IL1RAPL2: variants seen among roughly 807,000 people sequenced by gnomAD.
The protein encoded by IL1RAPL2 is X-linked interleukin-1 receptor accessory protein-like 2.
IL1RAPL2 carries 3 observed loss-of-function variants against 44.1 expected under a neutral mutation model. The observed-to-expected ratio is 0.07, with a 90% confidence interval of 0.03 to 0.18. IL1RAPL2 has a LOEUF of 0.18. IL1RAPL2 is among the 10% of genes least tolerant of loss of function. IL1RAPL2 has a pLI of 1.00. For synonymous variants in IL1RAPL2, 181 were observed against 178.8 expected (o/e 1.01, Z -0.10); for missense variants, 391 against 496.4 (o/e 0.79, Z 2.02).
chrX:105,748,261 G>A (rs191891860), intron 8 of IL1RAPL2, among the ~76,000 whole-genome samples: 12 of 112,279 alleles, frequency 1.1e-4, no homozygotes, highest in Non-Finnish European at 1.9e-4. Context: ...CCCTGGAGCA[G>A]CCTAAGTCTG....
Position 105,195,570 on chromosome X carries a change from A to C in IL1RAPL2, c.178A>C (p.Ile60Leu). 8.3e-7 allele frequency: 1 copy of C among 1,211,638 alleles called. No individual in the cohort carries two copies. The highest frequency in any genetic ancestry group is 1.1e-6 in the Non-Finnish European group (1 of 895,215). ...GAAATGTGCCCTTTTCTACAGTTAT[A>C]TTCGTACCAACTATAGCACGGCCCA... ...RVKCALFYSY[I>L]RTNYSTAQST... Residue 60 changes from isoleucine to leucine, a missense_variant, in exon 3 of 11, where the codon ATT becomes CTT. Ile to Leu is a conservative substitution (Grantham distance 5). This residue lies in a region of IL1RAPL2 where 159 missense variants were observed against 251.7 expected (regional missense o/e 0.63). Coordinates refer to ENST00000372582, the MANE Select transcript of IL1RAPL2 (RefSeq NM_017416.2).
chrX:104,827,725 A>G (rs1229494700), intron 2 of IL1RAPL2, among the ~76,000 whole-genome samples: 1 of 111,977 alleles, frequency 8.9e-6, no homozygotes, highest in Non-Finnish European at 1.9e-5. Flanking sequence ...TGTGTTTTCC[A>G]ACTTGGTTGC....
intron 5 of IL1RAPL2, among the ~76,000 whole-genome samples, chrX:105,430,311 A>T (rs2035839045): frequency 9.0e-6 from 1 of 111,480 alleles, no homozygotes; most frequent in Non-Finnish European, 1.9e-5. Context: ...TTTCCTTCTG[A>T]GTGCCTATAT....
intron 2 of IL1RAPL2, among the ~76,000 whole-genome samples, chrX:104,858,785 A>G (rs1922428945): frequency 8.9e-6 from 1 of 112,034 alleles, no homozygotes; most frequent in Non-Finnish European, 1.9e-5. Flanking sequence ...AAGTGGTATT[A>G]CACATAAAGA....
chrX:104,776,719 A>G (rs920056188), intron 2 of IL1RAPL2, among the ~76,000 whole-genome samples: 3 of 112,114 alleles, frequency 2.7e-5, no homozygotes, highest in Non-Finnish European at 5.6e-5. Context: ...TTGTTTTACA[A>G]TAGTTTTAGA....
At chrX:104,929,272 G>A (rs762385724) in intron 2 of IL1RAPL2, among the ~76,000 whole-genome samples, 4 of 111,564 alleles carry the variant, frequency 3.6e-5, no homozygotes, top group East Asian at 2.8e-4. Flanking sequence ...TCAGCCTTTC[G>A]TTTGTTCATA....
rs2033699892 is a variant in IL1RAPL2 at position 105,199,617 on chromosome X, C to T, written c.356+3869C>T. ...CTGAAGTCCTTTCCTATAGGTGGCT[C>T]TCTCTTTCAAGTACATTTCAGATTG... is the stretch of plus-strand genomic sequence containing the variant. On this transcript the variant is annotated intron_variant, in intron 3 of 10. Coordinates refer to ENST00000372582, the MANE Select transcript of IL1RAPL2 (RefSeq NM_017416.2). 6.3e-5 allele frequency among the ~76,000 whole-genome samples: 7 copies of T among 111,651 alleles called. No individual in the cohort carries two copies. In the Admixed American group the frequency reaches 6.7e-4, roughly 11 times the overall value.
At chrX:105,337,128 C>CT (rs2035034450) in intron 5 of IL1RAPL2, among the ~76,000 whole-genome samples, 1 of 112,207 alleles carries the variant, frequency 8.9e-6, no homozygotes, top group Non-Finnish European at 1.9e-5. Flanking sequence ...CACCATGTTT[C>CT]TGCTGTATCT....
chrX:105,414,260 C>T lies in IL1RAPL2; in HGVS notation c.698-70053C>T, dbSNP rs552840010. ...CTTCTGCCTCAGCCTCCCGAGTAGC[C>T]GGGACTATAGGTGCCCACCACCATG... On this transcript the variant is annotated intron_variant, in intron 5 of 10. Coordinates refer to ENST00000372582, the MANE Select transcript of IL1RAPL2 (RefSeq NM_017416.2). 8.2e-5 allele frequency among the ~76,000 whole-genome samples: 9 copies of T among 110,357 alleles called. No individual in the cohort carries two copies. The South Asian group carries it at 3.1e-3, about 38-fold the overall frequency.
intron 2 of IL1RAPL2, among the ~76,000 whole-genome samples, chrX:105,120,763 T>G (rs2032915769): frequency 8.9e-6 from 1 of 112,312 alleles, no homozygotes; most frequent in Non-Finnish European, 1.9e-5. Context: ...ACCGTGTCTA[T>G]GCAGAATTGA....
At chrX:104,913,455 T>C (rs113397987) in intron 2 of IL1RAPL2, among the ~76,000 whole-genome samples, 2 of 111,639 alleles carry the variant, frequency 1.8e-5, no homozygotes, top group Admixed American at 9.6e-5. Context: ...CTGGAAGGGG[T>C]ATGTTCTGTT....
intron 2 of IL1RAPL2, among the ~76,000 whole-genome samples, chrX:104,669,872 A>G: frequency 9.0e-6 from 1 of 111,530 alleles, no homozygotes. Flanking sequence ...TGTGTACCCC[A>G]TCTTAGTTAA....
intron 5 of IL1RAPL2, among the ~76,000 whole-genome samples, chrX:105,348,297 G>A (rs1758901325): frequency 1.8e-5 from 2 of 111,017 alleles, no homozygotes; most frequent in Non-Finnish European, 3.8e-5. Context: ...GTTGAAATGA[G>A]GACTCTAGAG....
chrX:105,406,136 T>A (rs1391197539), intron 5 of IL1RAPL2: 2 of 1,178,779 alleles, frequency 1.7e-6, no homozygotes, highest in Admixed American at 4.4e-5. Context: ...GACTTAAATG[T>A]GTTTGTTTAT....
intron 5 of IL1RAPL2, among the ~76,000 whole-genome samples, chrX:105,278,522 C>T (rs768867048): frequency 9.0e-6 from 1 of 111,572 alleles, no homozygotes; most frequent in Admixed American, 9.5e-5. Flanking sequence ...TCAAGGCACC[C>T]TTCCATAGGA....
At chrX:105,680,964 G>A (rs990833781) in intron 6 of IL1RAPL2, among the ~76,000 whole-genome samples, 4 of 111,983 alleles carry the variant, frequency 3.6e-5, no homozygotes, top group Non-Finnish European at 5.6e-5. Context: ...GGATAGCCAC[G>A]TAGAAATGTG....
chrX:104,660,034 G>A (rs1272145635), intron 2 of IL1RAPL2, among the ~76,000 whole-genome samples: 2 of 111,779 alleles, frequency 1.8e-5, no homozygotes, highest in Non-Finnish European at 3.8e-5. Context: ...ATAAAATAGA[G>A]TAACACTGCT....
intron 3 of IL1RAPL2, among the ~76,000 whole-genome samples, chrX:105,212,071 A>G (rs76590102): frequency 0.023 from 2,534 of 111,638 alleles, 62 homozygotes; most frequent in African/African-American, 0.078. Flanking sequence ...CTGCAGGAGT[A>G]TTTTTTCAAA....
chrX:104,595,754 G>T (rs1928751976), intron 1 of IL1RAPL2, among the ~76,000 whole-genome samples: 1 of 111,512 alleles, frequency 9.0e-6, no homozygotes, highest in Admixed American at 9.6e-5. Context: ...TGTGCAAATG[G>T]TTTATTTTCT....
Sources: allele counts gnomAD v4.1 joint callset (sites outside exome capture counted in the v4.1 genomes callset), GRCh38; gene constraint gnomAD v4.1.1; regional missense constraint gnomAD v4.1.1; transcripts MANE v1.5; gene names NCBI Gene and HGNC (gene_info 2026-07-23, HGNC 2026-07-21).